The following ANKRD28 variants were observed in gnomAD, a reference collection of about 807,000 sequenced individuals.
The protein encoded by ANKRD28 is ankyrin repeat domain 28.
In ANKRD28, 44 loss-of-function variants were observed where a neutral mutation model predicts 126.5. That is an observed-to-expected ratio of 0.35 (90% CI 0.27 to 0.45). The LOEUF (loss-of-function observed/expected upper bound fraction) is 0.45. Ranked by LOEUF, ANKRD28 falls within the 20% of genes least tolerant of loss-of-function variation. ANKRD28 has a pLI of 1.00. For missense variants in ANKRD28, 1,110 were observed against 1,316.6 expected (o/e 0.84, Z 2.43); for synonymous variants, 442 against 468.5 (o/e 0.94, Z 0.73).
At chr3:15,829,576 A>G (rs996730388) in intron 1 of ANKRD28, among the ~76,000 whole-genome samples, 3 of 152,184 alleles carry the variant, frequency 2.0e-5, no homozygotes, top group Non-Finnish European at 4.4e-5. Flanking sequence ...ACAATATCAT[A>G]TATCAGTAAT....
intron 14 of ANKRD28, among the ~76,000 whole-genome samples, chr3:15,702,352 TG>T (rs1325552401): frequency 6.6e-6 from 1 of 152,086 alleles, no homozygotes; most frequent in East Asian, 1.9e-4. Context: ...CATTAGAGGG[TG>T]GGGGCAGAAG....
intron 14 of ANKRD28, among the ~76,000 whole-genome samples, chr3:15,698,174 C>A (rs139771608): frequency 6.6e-6 from 1 of 151,936 alleles, no homozygotes; most frequent in African/African-American, 2.4e-5. Flanking sequence ...AAAAGGCCTT[C>A]GACAAAATTC....
chr3:15,804,609 A>C (rs1420235428), intron 1 of ANKRD28, among the ~76,000 whole-genome samples: 1 of 145,704 alleles, frequency 6.9e-6, no homozygotes, highest in Non-Finnish European at 1.5e-5. Context: ...CACGGTGTCC[A>C]GGATAGATAA....
intron 1 of ANKRD28, among the ~76,000 whole-genome samples, chr3:15,811,023 A>G (rs553596924): frequency 2.0e-5 from 3 of 152,348 alleles, no homozygotes; most frequent in African/African-American, 7.2e-5. Flanking sequence ...TAAAATAGCA[A>G]ATGAAGAGCA....
At chr3:15,799,821 A>T (rs1256762150), upstream of ANKRD28, among the ~76,000 whole-genome samples, 1 of 152,040 alleles carries the variant, frequency 6.6e-6, no homozygotes, top group Non-Finnish European at 1.5e-5. Context: ...GAAGGTAGGG[A>T]CTGTGTTCAT....
At chr3:15,778,102 G>A (rs1467429126) in intron 2 of ANKRD28, among the ~76,000 whole-genome samples, 1 of 152,006 alleles carries the variant, frequency 6.6e-6, no homozygotes, top group East Asian at 1.9e-4. Flanking sequence ...TCTCCCAGCT[G>A]GTATTACATC....
intron 2 of ANKRD28, among the ~76,000 whole-genome samples, chr3:15,768,697 A>G (rs566075165): frequency 2.9e-4 from 44 of 152,190 alleles, no homozygotes; most frequent in Non-Finnish European, 5.0e-4. Context: ...TGTAACATAT[A>G]ATTATCACTG....
chr3:15,837,361 A>C (rs952957512), intron 1 of ANKRD28, among the ~76,000 whole-genome samples: 1 of 152,216 alleles, frequency 6.6e-6, no homozygotes, highest in African/African-American at 2.4e-5. Context: ...TCAAGCACAT[A>C]TAAAACAATC....
At position 15,690,208 on chromosome 3, in the gene ANKRD28, G is replaced by T; in HGVS notation, c.1774C>A (p.His592Asn). The T allele has an allele frequency of 1.3e-6, 2 of 1,598,368 alleles. No homozygotes were observed. The highest frequency in any genetic ancestry group is 1.7e-6 in the Non-Finnish European group (2 of 1,171,798). Residue 592 changes from histidine (H) to asparagine (N), a missense_variant, in exon 18 of 28, where the codon CAC becomes AAC. Coordinates refer to ENST00000683139, the MANE Select transcript of ANKRD28 (RefSeq NM_001349278.2). ...ACCAACACTTCCAGTGCTTGATGGT[G>T]ACCATGATAGGCCTAGAAATAAATA... ...SPLHLAAYHGHHQALEVLVQS... is the reference protein window; with the variant it reads ...SPLHLAAYHGNHQALEVLVQS...
chr3:15,778,868 G>A (rs768590938), intron 2 of ANKRD28, among the ~76,000 whole-genome samples: 1 of 152,114 alleles, frequency 6.6e-6, no homozygotes, highest in Non-Finnish European at 1.5e-5. Context: ...ATCATGGGGG[G>A]CAGTTCCCCC....
At chr3:15,766,667 G>A (rs536699980) in intron 2 of ANKRD28, among the ~76,000 whole-genome samples, 4 of 151,794 alleles carry the variant, frequency 2.6e-5, no homozygotes, top group Non-Finnish European at 5.9e-5. Flanking sequence ...GCAGGACCCT[G>A]TCTCTATTAA....
intron 2 of ANKRD28, among the ~76,000 whole-genome samples, chr3:15,782,749 C>T (rs544476846): frequency 1.3e-5 from 2 of 152,204 alleles, no homozygotes; most frequent in East Asian, 3.9e-4. Flanking sequence ...TTCAAACAAT[C>T]AGAACTAACT....
At chr3:15,711,092 C>T in intron 12 of ANKRD28, 119 bp downstream of exon 12, 4 of 829,720 alleles carry the variant, frequency 4.8e-6, no homozygotes, top group South Asian at 2.2e-5. Context: ...TCCCAAACAA[C>T]TCCTGTTTTG....
chr3:15,726,729 C>T (rs73036050), intron 6 of ANKRD28, among the ~76,000 whole-genome samples: 213 of 152,330 alleles, frequency 1.4e-3, no homozygotes, highest in Admixed American at 3.9e-3. Flanking sequence ...GCAGATGAAA[C>T]GGCCTTCTAT....
In ANKRD28 at chr3:15,830,217, C is replaced by T. The variant is rs1335803779; in HGVS notation, c.27+29160G>A. ...TTAATGCGAATGTCGAAGTAAAAAACGCATATAACATTTTATTATTATGAT... is the reference window on the plus strand; with the variant it reads ...TTAATGCGAATGTCGAAGTAAAAAATGCATATAACATTTTATTATTATGAT... On this transcript the variant is annotated intron_variant, in intron 1 of 27. Coordinates refer to the ANKRD28 transcript ENST00000399451. This position sits in a 1 kb window ranked among gnomAD's most constrained non-coding sequence, Gnocchi z 4.5. Among the ~76,000 whole-genome samples the T allele has an allele frequency of 2.0e-5, 3 of 152,226 alleles. No individual in the cohort carries two copies. Among genetic ancestry groups the T allele is most frequent in the South Asian group, 2.1e-4 (1 of 4,824 alleles).
At chr3:15,758,076 A>T (rs2058263050) in intron 3 of ANKRD28, among the ~76,000 whole-genome samples, 2 of 152,188 alleles carry the variant, frequency 1.3e-5, no homozygotes, top group African/African-American at 4.8e-5. Flanking sequence ...GGTACTATTA[A>T]AGTTATTGCT....
chr3:15,859,505 C>T (rs368466520), exon 1 of ANKRD28: 21,220 of 1,162,626 alleles, frequency 0.018, 238 homozygotes, highest in South Asian at 0.024. Context: ...TTGGCCGCTG[C>T]CCGGGACCAG....
intron 4 of ANKRD28, among the ~76,000 whole-genome samples, chr3:15,748,345 A>T (rs1269492700): frequency 6.6e-6 from 1 of 152,162 alleles, no homozygotes; most frequent in African/African-American, 2.4e-5. Flanking sequence ...ATTTCTTTCA[A>T]GGTTTAGAGC....
In ANKRD28 at chr3:15,762,203, A is replaced by AC. The variant is rs1559488965; in HGVS notation, c.280+4030_280+4031insG. ...ACTATGTCTTTAAAAAAAAAAAAAA[A>AC]AAAAAAAAAACAAAACAAAAAAAAA... is the stretch of plus-strand genomic sequence containing the variant. On this transcript the variant is annotated intron_variant, in intron 3 of 27. Coordinates refer to ENST00000683139, the MANE Select transcript of ANKRD28 (RefSeq NM_001349278.2). 2.4e-4 allele frequency among the ~76,000 whole-genome samples: 8 copies of AC among 32,796 alleles called. No individual in the cohort carries two copies. In the East Asian group the frequency reaches 4.4e-3, roughly 18 times the overall value. The allele number at this position is 32,796 out of a possible 152,430, so 21.5% of individuals were successfully genotyped here.
Sources: allele counts gnomAD v4.1 joint callset (sites outside exome capture counted in the v4.1 genomes callset), GRCh38; gene constraint gnomAD v4.1.1; non-coding constraint Gnocchi (gnomAD v3.1); transcripts MANE v1.5; gene names NCBI Gene and HGNC (gene_info 2026-07-23, HGNC 2026-07-21).